NFAM1: variants seen among roughly 807,000 people sequenced by gnomAD.
The protein encoded by NFAM1 is NFAT activation molecule 1.
In NFAM1, 17 loss-of-function variants were observed where a neutral mutation model predicts 29.0. The observed-to-expected ratio is 0.59, with a 90% confidence interval of 0.40 to 0.88. The LOEUF (loss-of-function observed/expected upper bound fraction) is 0.88. Ranked by LOEUF, NFAM1 falls within the 40% of genes least tolerant of loss-of-function variation. The pLI is 0.00. For missense variants in NFAM1, 324 were observed against 344.6 expected (o/e 0.94, Z 0.47); for synonymous variants, 175 against 147.2 (o/e 1.19, Z -1.36).
rs374319363 is a variant in NFAM1 at position 42,382,796 on chromosome 22, T to TCTCCTC, written c.*2359_*2364dup. 2 of 153,982 alleles carry TCTCCTC rather than the reference T, an allele frequency of 1.3e-5. No individual in the cohort carries two copies. Among genetic ancestry groups the TCTCCTC allele is most frequent in the East Asian group, 3.8e-4 (2 of 5,200 alleles). The allele number at this position is 153,982 out of a possible 1,614,324, so 9.5% of individuals were successfully genotyped here. Reference sequence around the variant, plus strand: ...AGGGTCCCGTCCTTTCATGCTGTGCTCTCCTCCTCCTCCTCCTCCTCCCTG... The same window carrying TCTCCTC: ...AGGGTCCCGTCCTTTCATGCTGTGCTCTCCTCCTCCTCCTCCTCCTCCTCCTCCCTG... On this transcript the variant is annotated 3_prime_UTR_variant, in exon 6 of 6. Transcript: ENST00000329021.
At chr22:42,425,121 C>A (rs148137934) in intron 1 of NFAM1, among the ~76,000 whole-genome samples, 1,595 of 152,154 alleles carry the variant, frequency 0.01, 27 homozygotes, top group African/African-American at 0.036. Context: ...AGGGGTTTCA[C>A]CATGTTGGCC....
chr22:42,405,971 T>C (rs373853583), intron 3 of NFAM1, among the ~76,000 whole-genome samples: 14 of 152,210 alleles, frequency 9.2e-5, no homozygotes, highest in East Asian at 7.7e-4. Flanking sequence ...TCATGCTTTT[T>C]TCGTACCTCA....
In NFAM1 at chr22:42,391,271, G is replaced by T. The variant is rs552205340; in HGVS notation, c.664-4193C>A. Among the ~76,000 whole-genome samples the T allele has an allele frequency of 2.6e-5, 4 of 151,890 alleles. No homozygotes were observed. The East Asian group carries it at 7.8e-4, about 29-fold the overall frequency. ...CCATCTTGGTGTCTCTGTCTCAGAGGGCTCTGAGCAGAGGGCCATGATCTG... is the reference window on the plus strand; with the variant it reads ...CCATCTTGGTGTCTCTGTCTCAGAGTGCTCTGAGCAGAGGGCCATGATCTG... On this transcript the variant is annotated intron_variant, in intron 4 of 5. Transcript: ENST00000329021.
At position 42,409,662 on chromosome 22, in the gene NFAM1, G is replaced by A. The variant is rs761384172; in HGVS notation, c.452-115C>T. 16 of 453,558 alleles carry A rather than the reference G, an allele frequency of 3.5e-5. No individual in the cohort carries two copies. Among genetic ancestry groups the A allele is most frequent in the African/African-American group, 8.1e-5 (4 of 49,320 alleles). The allele number at this position is 453,558 out of a possible 1,614,324, so 28.1% of individuals were successfully genotyped here. ...GTTTTCAATGCTACCCCGCCAACAC[G>A]CTCCACACCCCACTAGGCCCCCTGG... On this transcript the variant is annotated intron_variant, in intron 2 of 5. Transcript: ENST00000329021. This position sits in a 1 kb window ranked among gnomAD's most constrained non-coding sequence, Gnocchi z 4.9.
upstream of NFAM1, among the ~76,000 whole-genome samples, chr22:42,436,385 G>A (rs986641134): frequency 6.6e-6 from 1 of 152,194 alleles, no homozygotes. Flanking sequence ...GAGGCAAAAA[G>A]GGTTCCAGGG....
In NFAM1 at chr22:42,419,214, ATCCC is replaced by A. The variant is rs2147114882; in HGVS notation, c.122-7482_122-7479del. On this transcript the variant is annotated intron_variant, in intron 1 of 5. Transcript: ENST00000329021. This position sits in a 1 kb window ranked among gnomAD's most constrained non-coding sequence, Gnocchi z 4.5. ...TGCCCACCACCTGCACAACGCCCCC[ATCCC>A]TCCAACTCAACAGCTCCCATCCAGT... 6.6e-6 allele frequency among the ~76,000 whole-genome samples: 1 copy of A among 151,576 alleles called. No individual in the cohort carries two copies. Among genetic ancestry groups the A allele is most frequent in the East Asian group, 2.0e-4 (1 of 5,118 alleles).
intron 2 of NFAM1, chr22:42,410,524 T>C (rs887705449): frequency 3.8e-5 from 13 of 338,194 alleles, no homozygotes; most frequent in Non-Finnish European, 7.8e-5. Context: ...CCAGGTGTGG[T>C]GGTGGACATC....
At chr22:42,421,907 C>T (rs1322991585) in intron 1 of NFAM1, among the ~76,000 whole-genome samples, 2 of 151,940 alleles carry the variant, frequency 1.3e-5, no homozygotes, top group Non-Finnish European at 2.9e-5. Context: ...TGTGCCTGAG[C>T]ACAAATCCCA....
chr22:42,424,381 C>G (rs997863363), intron 1 of NFAM1, among the ~76,000 whole-genome samples: 9 of 151,896 alleles, frequency 5.9e-5, no homozygotes, highest in Admixed American at 1.3e-4. Context: ...TGCCACTGCA[C>G]TCCAGCCTAG....
At chr22:42,422,979 G>T (rs750740796) in intron 1 of NFAM1, among the ~76,000 whole-genome samples, 62 of 152,048 alleles carry the variant, frequency 4.1e-4, no homozygotes, top group Non-Finnish European at 7.8e-4. Flanking sequence ...TGTGCGTGGT[G>T]GCGGGCGCCT....
At chr22:42,389,221 G>A (rs1219308420) in intron 4 of NFAM1, among the ~76,000 whole-genome samples, 7 of 152,192 alleles carry the variant, frequency 4.6e-5, no homozygotes, top group Non-Finnish European at 4.4e-5. Context: ...GAGAGGGCAG[G>A]TGATGCAGGG....
rs146217325 is a variant in NFAM1, at chr22:42,411,825, C to T, written c.122-89G>A. 560 of 842,786 alleles carry T rather than the reference C, an allele frequency of 6.6e-4. 4 individuals carry two copies. In the African/African-American group the frequency reaches 8.7e-3, roughly 13 times the overall value. 52.2% of individuals were successfully genotyped at this position (842,786 alleles called of 1,614,324 possible). On this transcript the variant is annotated intron_variant, in intron 1 of 5. Coordinates refer to ENST00000329021, the MANE Select transcript of NFAM1 (RefSeq NM_145912.8). Reference sequence around the variant, plus strand: ...GCCTGTTAAGGCTCACGACCGGGTGCGGTGGCTCACACCTGTAATTCCAAC... The same window carrying T: ...GCCTGTTAAGGCTCACGACCGGGTGTGGTGGCTCACACCTGTAATTCCAAC...
chr22:42,426,675 G>A (rs1235207316), intron 1 of NFAM1, among the ~76,000 whole-genome samples: 1 of 152,196 alleles, frequency 6.6e-6, no homozygotes, highest in Admixed American at 6.5e-5. Context: ...CCTACAGGGG[G>A]ACTGGGGAGG....
intron 4 of NFAM1, among the ~76,000 whole-genome samples, chr22:42,392,193 T>G (rs1011391033): frequency 2.6e-5 from 4 of 152,008 alleles, no homozygotes; most frequent in Admixed American, 1.3e-4. Context: ...AGTTCAGGGT[T>G]CCACTGGTTC....
At chr22:42,407,376 C>G (rs1929934743) in intron 3 of NFAM1, among the ~76,000 whole-genome samples, 1 of 151,716 alleles carries the variant, frequency 6.6e-6, no homozygotes, top group Admixed American at 6.6e-5. Flanking sequence ...GCCACCGCAC[C>G]CAGCCTTTTA....
rs2413687 is a variant in NFAM1, at chr22:42,383,693, T to C, written c.*1468A>G. 0.64 allele frequency: 98,349 copies of C among 152,654 alleles called. 33,854 individuals are homozygous for C. Among genetic ancestry groups the C allele is most frequent in the African/African-American group, 0.9 (37,489 of 41,550 alleles). 9.5% of individuals were successfully genotyped at this position (152,654 alleles called of 1,614,324 possible). A position where few individuals can be genotyped will look rare whatever the true frequency, so the allele number is the denominator to read the frequency against. ...ACCTGCAGAACCAAAGGTGCTTCTG[T>C]GAGCCAGTAGCCCAGTGCTGCTTGG... On this transcript the variant is annotated 3_prime_UTR_variant, in exon 6 of 6. Transcript: ENST00000329021.
intron 4 of NFAM1, among the ~76,000 whole-genome samples, chr22:42,396,320 A>G (rs76310980): frequency 0.021 from 3,228 of 152,306 alleles, 131 homozygotes; most frequent in African/African-American, 0.074. Flanking sequence ...GATGTTCATG[A>G]AAAAAATAGC....
At position 42,406,167 on chromosome 22, in the gene NFAM1, C is replaced by T. The variant is rs368191912; in HGVS notation, c.564+3268G>A. On this transcript the variant is annotated intron_variant, in intron 3 of 5. Transcript: ENST00000329021. ...GCGGGGCAGGCGCAGATCCAAATAC[C>T]CCCCGGCTCGCGCCTCACCCCCCGA... Among the ~76,000 whole-genome samples the T allele has an allele frequency of 9.1e-5, 11 of 120,492 alleles. No individual in the cohort carries two copies. The East Asian group carries it at 2.5e-3, about 28-fold the overall frequency. The allele number at this position is 120,492 out of a possible 152,430, so 79.0% of individuals were successfully genotyped here. A position where few individuals can be genotyped will look rare whatever the true frequency, so the allele number is the denominator to read the frequency against.
chr22:42,436,010 G>A (rs1930931930), upstream of NFAM1, among the ~76,000 whole-genome samples: 1 of 151,848 alleles, frequency 6.6e-6, no homozygotes, highest in South Asian at 2.1e-4. Flanking sequence ...AGTAGAGATA[G>A]GGTTTTACCA....
Sources: allele counts gnomAD v4.1 joint callset (sites outside exome capture counted in the v4.1 genomes callset), GRCh38; gene constraint gnomAD v4.1.1; non-coding constraint Gnocchi (gnomAD v3.1); transcripts MANE v1.5; gene names NCBI Gene and HGNC (gene_info 2026-07-23, HGNC 2026-07-21).